Variants in ELAVL2 observed in about 807,000 individuals in gnomAD.
ELAVL2 encodes ELAV like RNA binding protein 2, also known as ELAV-like protein 2.
In ELAVL2, 4 loss-of-function variants were observed where a neutral mutation model predicts 34.6. That is an observed-to-expected ratio of 0.12 (90% confidence interval 0.06 to 0.26). ELAVL2 has a LOEUF of 0.26. Among genes scored for constraint, ELAVL2 ranks in the 10% least tolerant of loss-of-function variants. The pLI is 1.00. For synonymous variants in ELAVL2, 193 were observed against 154.8 expected (o/e 1.25, Z -1.83); for missense variants, 432 against 442.8 (o/e 0.98, Z 0.22).
chr9:23,818,501 A>G lies in ELAVL2; in HGVS notation c.-16+7305T>C, dbSNP rs575406814. Among the ~76,000 whole-genome samples, 4 of 152,282 alleles carry G rather than the reference A, an allele frequency of 2.6e-5. No individual in the cohort carries two copies. In the East Asian group the frequency reaches 5.8e-4, roughly 22 times the overall value. On this transcript the variant is annotated intron_variant, in intron 1 of 6. Transcript: ENST00000397312. Reference sequence around the variant, plus strand: ...ATTAACCTCCCCCCACACACACTCAAATGTGGTAGCTTACTATCATTTTTG... The same window carrying G: ...ATTAACCTCCCCCCACACACACTCAGATGTGGTAGCTTACTATCATTTTTG...
chr9:23,756,416 C>G (rs1204076248), intron 2 of ELAVL2, among the ~76,000 whole-genome samples: 2 of 152,066 alleles, frequency 1.3e-5, no homozygotes, highest in African/African-American at 4.8e-5. Context: ...CAAGACCTAC[C>G]TCAAACAACT....
intron 1 of ELAVL2, among the ~76,000 whole-genome samples, chr9:23,784,482 C>A (rs528984341): frequency 2.6e-5 from 4 of 152,230 alleles, no homozygotes; most frequent in South Asian, 4.2e-4. Context: ...AGGATGGTGC[C>A]ACACACATAC....
chr9:23,706,397 C>A (rs575733713), intron 3 of ELAVL2, among the ~76,000 whole-genome samples: 1 of 152,102 alleles, frequency 6.6e-6, no homozygotes, highest in Non-Finnish European at 1.5e-5. Flanking sequence ...TCCAATAATA[C>A]CCCATTGATC....
At chr9:23,727,939 G>A (rs930221822) in intron 3 of ELAVL2, among the ~76,000 whole-genome samples, 4 of 151,962 alleles carry the variant, frequency 2.6e-5, no homozygotes, top group Non-Finnish European at 4.4e-5. Flanking sequence ...TTTACCAAAC[G>A]CATACTAAAT....
intron 1 of ELAVL2, 141 bp from the exon 2 acceptor site, chr9:23,762,390 C>T (rs921079626): frequency 9.4e-7 from 1 of 1,061,988 alleles, no homozygotes; most frequent in Admixed American, 2.7e-5. Flanking sequence ...AAGTGTAATA[C>T]CTACACTAAT....
In ELAVL2 at chr9:23,825,939, A is replaced by G. The variant is rs1188253138; in HGVS notation, c.-149T>C. Reference sequence around the variant, plus strand: ...ACCTAAACTGTGCTCGGCTTAAAAGAAGCAAATAAAAAGAAACGCTTTCGA... The same window carrying G: ...ACCTAAACTGTGCTCGGCTTAAAAGGAGCAAATAAAAAGAAACGCTTTCGA... On this transcript the variant is annotated 5_prime_UTR_variant, in exon 1 of 7. Coordinates refer to ENST00000397312, the MANE Select transcript of ELAVL2 (RefSeq NM_004432.5). 1 of 152,214 alleles carries G rather than the reference A, an allele frequency of 6.6e-6. No individual in the cohort carries two copies. The highest frequency in any genetic ancestry group is 1.5e-5 in the Non-Finnish European group (1 of 68,048). 9.4% of individuals were successfully genotyped at this position (152,214 alleles called of 1,614,324 possible).
chr9:23,756,369 T>C (rs1005718354), intron 2 of ELAVL2, among the ~76,000 whole-genome samples: 1 of 152,126 alleles, frequency 6.6e-6, no homozygotes, highest in Non-Finnish European at 1.5e-5. Context: ...TTTCCCCTTT[T>C]GTCAAAGTTT....
At chr9:23,727,234 G>A (rs549319182) in intron 3 of ELAVL2, among the ~76,000 whole-genome samples, 109 of 152,192 alleles carry the variant, frequency 7.2e-4, no homozygotes, top group African/African-American at 2.6e-3. Flanking sequence ...AGGAAAAAAA[G>A]TGACCTTTAG....
chr9:23,799,919 C>T lies in ELAVL2; in HGVS notation c.-16+25887G>A, dbSNP rs576399311. On this transcript the variant is annotated intron_variant, in intron 1 of 6. Coordinates refer to ENST00000397312, the MANE Select transcript of ELAVL2 (RefSeq NM_004432.5). The stretch of plus-strand genomic sequence containing the variant: ...TAAGAGGTCTCCCAGCAAACCTAAA[C>T]CAAGCCCTCACTTTTAAACACAGCT... Among the ~76,000 whole-genome samples the T allele has an allele frequency of 2.0e-5, 3 of 152,340 alleles. No individual in the cohort carries two copies. In the East Asian group the frequency reaches 5.8e-4, roughly 29 times the overall value.
intron 2 of ELAVL2, among the ~76,000 whole-genome samples, chr9:23,748,594 C>T (rs924570219): frequency 6.6e-6 from 1 of 152,072 alleles, no homozygotes; most frequent in Non-Finnish European, 1.5e-5. Context: ...AAGCTTGAAA[C>T]CAGGCAGAAC....
chr9:23,704,701 C>A (rs561633706), intron 4 of ELAVL2, among the ~76,000 whole-genome samples: 52 of 152,254 alleles, frequency 3.4e-4, no homozygotes, highest in African/African-American at 1.2e-3. Context: ...AATCCTGCAC[C>A]TTCAGGGTGG....
chr9:23,741,336 T>C (rs1233323126), intron 2 of ELAVL2, among the ~76,000 whole-genome samples: 1 of 152,096 alleles, frequency 6.6e-6, no homozygotes, highest in Non-Finnish European at 1.5e-5. Context: ...GCAGACAAAC[T>C]GCAGGATGCA....
chr9:23,849,634 C>G, the ELAVL2 span: 1 of 152,390 alleles, frequency 6.6e-6, no homozygotes, highest in South Asian at 2.1e-4. Flanking sequence ...CACCTCTCCC[C>G]TGCTTACTGC....
intron 3 of ELAVL2, among the ~76,000 whole-genome samples, chr9:23,723,560 A>T (rs2044296290): frequency 5.9e-5 from 9 of 152,010 alleles, no homozygotes; most frequent in Admixed American, 5.9e-4. Context: ...AACTTAAAGC[A>T]TAATAATAAT....
rs1220670606 is a variant in ELAVL2 at position 23,695,990 on chromosome 9, C to T, written c.714-2504G>A. On this transcript the variant is annotated intron_variant, in intron 5 of 6. Transcript: ENST00000397312. The stretch of plus-strand genomic sequence containing the variant: ...TTTTATAACAGGATCTCCGAGGACC[C>T]TCCAAATTATGATAGGGCATCTTTT... Among the ~76,000 whole-genome samples, 7 of 152,156 alleles carry T rather than the reference C, an allele frequency of 4.6e-5. No individual in the cohort carries two copies. In the South Asian group the frequency reaches 1.2e-3, roughly 27 times the overall value.
chr9:23,707,735 G>C (rs1053162963), intron 3 of ELAVL2, among the ~76,000 whole-genome samples: 1 of 152,098 alleles, frequency 6.6e-6, no homozygotes, highest in African/African-American at 2.4e-5. Context: ...TGGCTATTAG[G>C]AATAATTAAA....
At chr9:23,725,002 A>T (rs979963509) in intron 3 of ELAVL2, among the ~76,000 whole-genome samples, 24 of 152,292 alleles carry the variant, frequency 1.6e-4, no homozygotes, top group African/African-American at 5.8e-4. Flanking sequence ...AAAGGTTTTT[A>T]AATGAGGGGT....
At chr9:23,824,710 A>G (rs909083566) in intron 1 of ELAVL2, among the ~76,000 whole-genome samples, 9 of 152,192 alleles carry the variant, frequency 5.9e-5, no homozygotes, top group Admixed American at 3.3e-4. Context: ...CTTTGGCAGT[A>G]GAAAGCCAAA....
intron 1 of ELAVL2, among the ~76,000 whole-genome samples, chr9:23,814,944 A>C (rs1448431729): frequency 6.7e-6 from 1 of 149,310 alleles, no homozygotes; most frequent in Non-Finnish European, 1.5e-5. Flanking sequence ...TACACAAATG[A>C]TGCCTAAAGA....
Sources: gnomAD v4.1 joint callset for allele counts (sites outside exome capture counted in the v4.1 genomes callset) on GRCh38, gnomAD v4.1.1 for gene constraint, MANE v1.5 for transcripts, NCBI Gene and HGNC (gene_info 2026-07-23, HGNC 2026-07-21) for gene names.